The following ERBB4 variants were observed in gnomAD, a reference collection of about 807,000 sequenced individuals.
The protein encoded by ERBB4 is receptor tyrosine-protein kinase erbB-4.
Under a neutral mutation model 158.0 loss-of-function variants are expected in ERBB4, and 42 were observed. The observed-to-expected ratio is 0.27, with a 90% CI of 0.21 to 0.34. ERBB4 has a LOEUF of 0.34. Ranked by LOEUF, ERBB4 falls within the 10% of genes least tolerant of loss-of-function variation. The pLI, the probability that ERBB4 is intolerant of heterozygous loss-of-function variation, is 1.00. For synonymous variants in ERBB4, 583 were observed against 558.7 expected, an observed-to-expected ratio of 1.04 and a Z score of -0.61; for missense variants, 1,333 against 1,624.1, an observed-to-expected ratio of 0.82 and a Z score of 3.08.
At chr2:211,857,646 G>T (rs2077904717) in intron 3 of ERBB4, among the ~76,000 whole-genome samples, 1 of 152,112 alleles carries the variant, frequency 6.6e-6, no homozygotes, top group Non-Finnish European at 1.5e-5. Context: ...CATATTCTGG[G>T]AAATGTTAAA....
intron 2 of ERBB4, among the ~76,000 whole-genome samples, chr2:212,116,158 T>A (rs549683651): frequency 1.3e-5 from 2 of 151,844 alleles, no homozygotes; most frequent in East Asian, 3.9e-4. Context: ...AAGCGGTTGC[T>A]AATTTACATT....
chr2:211,701,916 T>C (rs2073269201), intron 12 of ERBB4, 51 bp downstream of exon 12: 6 of 1,367,672 alleles, frequency 4.4e-6, no homozygotes, highest in Non-Finnish European at 6.3e-6. Flanking sequence ...CAAAGAAGAA[T>C]GGGAAAAAAT....
At chr2:212,223,349 TAA>T (rs1491069279) in intron 1 of ERBB4, among the ~76,000 whole-genome samples, 66 of 139,216 alleles carry the variant, frequency 4.7e-4, no homozygotes, top group Admixed American at 8.8e-4. Context: ...TATATATATA[TAA>T]AATTGTCTTT....
intron 1 of ERBB4, among the ~76,000 whole-genome samples, chr2:212,125,793 C>A (rs2079906757): frequency 6.6e-6 from 1 of 152,138 alleles, no homozygotes. Context: ...TATATATGTA[C>A]CAGATTTTCT....
rs565182048 is a variant in ERBB4 at position 211,950,691 on chromosome 2, T to G, written c.235-3075A>C. ...TATATGGAATTACTCATATCTGGCA[T>G]CAAATTGGGAACTCTAAGCCACTAT... On this transcript the variant is annotated intron_variant, in intron 2 of 27. Transcript: ENST00000342788. Among the ~76,000 whole-genome samples the G allele has an allele frequency of 1.8e-3, 271 of 152,182 alleles. 1 individual carries two copies. Among genetic ancestry groups the G allele is most frequent in the African/African-American group, 6.4e-3 (265 of 41,522 alleles).
chr2:211,689,013 C>G (rs1264543696), intron 12 of ERBB4, among the ~76,000 whole-genome samples: 1 of 152,022 alleles, frequency 6.6e-6, no homozygotes, highest in East Asian at 1.9e-4. Context: ...ATCTTCTTAT[C>G]ATATCTAGAC....
chr2:211,741,176 T>C (rs1412105394), intron 5 of ERBB4, among the ~76,000 whole-genome samples: 3 of 152,256 alleles, frequency 2.0e-5, no homozygotes, highest in African/African-American at 7.2e-5. Flanking sequence ...GATAGTCAAA[T>C]ATAGTTACTC....
At chr2:211,863,765 A>C (rs1487059142) in intron 3 of ERBB4, among the ~76,000 whole-genome samples, 1 of 152,190 alleles carries the variant, frequency 6.6e-6, no homozygotes, top group African/African-American at 2.4e-5. Context: ...GAAGTCAGCA[A>C]GACCAAGAAC....
intron 20 of ERBB4, among the ~76,000 whole-genome samples, chr2:211,473,194 G>A (rs1032047919): frequency 6.6e-6 from 1 of 152,028 alleles, no homozygotes; most frequent in African/African-American, 2.4e-5. Context: ...TAAAGAGGAT[G>A]TGATGTGAAG....
chr2:212,210,068 C>A (rs1163149374), intron 1 of ERBB4, among the ~76,000 whole-genome samples: 1 of 152,078 alleles, frequency 6.6e-6, no homozygotes, highest in Non-Finnish European at 1.5e-5. Context: ...ATACTGGACA[C>A]TCTTGGGAGC....
intron 3 of ERBB4, among the ~76,000 whole-genome samples, chr2:211,841,356 C>T (rs975693006): frequency 1.3e-5 from 2 of 151,962 alleles, no homozygotes; most frequent in African/African-American, 4.8e-5. Context: ...ACAATGTCAA[C>T]CAAAATTCAT....
At chr2:212,475,767 A>T (rs1006920909) in intron 1 of ERBB4, among the ~76,000 whole-genome samples, 1 of 152,160 alleles carries the variant, frequency 6.6e-6, no homozygotes, top group Non-Finnish European at 1.5e-5. Context: ...AACAAAAGTT[A>T]TTGGGGTTTT....
At chr2:212,471,322 G>C (rs768569631) in intron 1 of ERBB4, among the ~76,000 whole-genome samples, 3 of 151,952 alleles carry the variant, frequency 2.0e-5, no homozygotes, top group Non-Finnish European at 4.4e-5. Context: ...CTAAGAAAGA[G>C]ACTCTTTGCA....
chr2:212,233,615 T>C (rs1361299032), intron 1 of ERBB4, among the ~76,000 whole-genome samples: 1 of 152,168 alleles, frequency 6.6e-6, no homozygotes, highest in Non-Finnish European at 1.5e-5. Flanking sequence ...TTACTTTTAT[T>C]AAACACTCAA....
intron 3 of ERBB4, among the ~76,000 whole-genome samples, chr2:211,938,927 A>C (rs138616403): frequency 0.034 from 5,247 of 152,304 alleles, 130 homozygotes; most frequent in Middle Eastern, 0.088. Context: ...TGCATTACAG[A>C]TAAGAGTTTA....
At chr2:212,401,977 A>G (rs1474517403) in intron 1 of ERBB4, among the ~76,000 whole-genome samples, 1 of 152,140 alleles carries the variant, frequency 6.6e-6, no homozygotes, top group Non-Finnish European at 1.5e-5. Flanking sequence ...GGTTTCTCAT[A>G]TTTTTATATA....
At chr2:212,129,831 A>T (rs73987238) in intron 1 of ERBB4, among the ~76,000 whole-genome samples, 3,310 of 152,110 alleles carry the variant, frequency 0.022, 127 homozygotes, top group African/African-American at 0.076. Context: ...CATGCTGTTC[A>T]ATTTAGTAGA....
At chr2:211,789,829 G>C (rs17878516) in intron 3 of ERBB4, among the ~76,000 whole-genome samples, 43,565 of 151,934 alleles carry the variant, frequency 0.29, 6,801 homozygotes, top group Admixed American at 0.4. Context: ...CCACAAGAGG[G>C]TTATTTGTGG....
At chr2:211,450,283 G>A (rs1009892223) in intron 20 of ERBB4, among the ~76,000 whole-genome samples, 2 of 152,134 alleles carry the variant, frequency 1.3e-5, no homozygotes, top group Non-Finnish European at 2.9e-5. Flanking sequence ...GGATCTTGGA[G>A]GCCAGGCTCA....
Sources: allele counts gnomAD v4.1 joint callset (sites outside exome capture counted in the v4.1 genomes callset), GRCh38; gene constraint gnomAD v4.1.1; transcripts MANE v1.5; gene names NCBI Gene and HGNC (gene_info 2026-07-23, HGNC 2026-07-21).